Variants in MBNL3 observed in about 807,000 individuals in gnomAD.
MBNL3 encodes the protein muscleblind-like protein 3.
A neutral mutation model predicts 24.5 loss-of-function variants in MBNL3; 6 were observed. That is an observed-to-expected ratio of 0.25 (90% CI 0.13 to 0.48). The LOEUF (loss-of-function observed/expected upper bound fraction) is 0.48. Ranked by LOEUF, MBNL3 falls within the 20% of genes least tolerant of loss-of-function variation. The pLI is 0.99. For missense variants in MBNL3, 230 were observed against 293.5 expected, an observed-to-expected ratio of 0.78 and a Z score of 1.58; for synonymous variants, 100 against 101.7, an observed-to-expected ratio of 0.98 and a Z score of 0.10.
chrX:132,421,967 T>A (rs1943862088), intron 2 of MBNL3, among the ~76,000 whole-genome samples: 1 of 112,087 alleles, frequency 8.9e-6, no homozygotes, highest in Non-Finnish European at 1.9e-5. Flanking sequence ...ATTTTAAATA[T>A]CATTTAAATA....
intron 2 of MBNL3, among the ~76,000 whole-genome samples, chrX:132,410,911 A>G (rs962094281): frequency 3.6e-5 from 4 of 112,213 alleles, no homozygotes; most frequent in Non-Finnish European, 7.5e-5. Flanking sequence ...TCTTCCTCTT[A>G]GAATTCTGTC....
chrX:132,426,010 T>C (rs1944274808), intron 2 of MBNL3, among the ~76,000 whole-genome samples: 1 of 111,744 alleles, frequency 8.9e-6, no homozygotes, highest in Admixed American at 9.5e-5. Flanking sequence ...CACATGGGTG[T>C]ATACAATTTT....
chrX:132,388,946 C>T (rs1936633794), intron 5 of MBNL3, among the ~76,000 whole-genome samples: 1 of 106,475 alleles, frequency 9.4e-6, no homozygotes, highest in Non-Finnish European at 2.0e-5. Context: ...TGCTAAGACC[C>T]TGCTGTGATC....
intron 2 of MBNL3, among the ~76,000 whole-genome samples, chrX:132,418,743 T>C (rs1443604742): frequency 1.8e-5 from 2 of 112,221 alleles, no homozygotes; most frequent in Admixed American, 1.9e-4. Flanking sequence ...GTCAAGGCAA[T>C]TGAATGTGTT....
intron 2 of MBNL3, among the ~76,000 whole-genome samples, chrX:132,422,072 T>A (rs1943872482): frequency 9.0e-6 from 1 of 111,136 alleles, no homozygotes; most frequent in Non-Finnish European, 1.9e-5. Flanking sequence ...TTTAATAGGC[T>A]AACCTTATGG....
At chrX:132,434,312 C>G (rs911749554) in intron 2 of MBNL3, among the ~76,000 whole-genome samples, 6 of 112,392 alleles carry the variant, frequency 5.3e-5, no homozygotes, top group Non-Finnish European at 1.1e-4. Context: ...TTCCCTTGCT[C>G]TCTTTCTTAA....
chrX:132,406,622 G>T (rs1249362409), intron 2 of MBNL3, among the ~76,000 whole-genome samples: 2 of 111,584 alleles, frequency 1.8e-5, no homozygotes, highest in Non-Finnish European at 3.8e-5. Flanking sequence ...TAGATCACTT[G>T]CATGATGGAA....
At chrX:132,393,081 G>A (rs1167936594) in intron 3 of MBNL3, among the ~76,000 whole-genome samples, 1 of 110,817 alleles carries the variant, frequency 9.0e-6, no homozygotes, top group Non-Finnish European at 1.9e-5. Flanking sequence ...AATCACATCA[G>A]GGTAAATGGA....
intron 1 of MBNL3, among the ~76,000 whole-genome samples, chrX:132,471,940 T>C (rs1947204744): frequency 8.9e-6 from 1 of 112,298 alleles, no homozygotes; most frequent in South Asian, 3.7e-4. Context: ...TTTTCCAAGA[T>C]TATAAGTATA....
intron 7 of MBNL3, among the ~76,000 whole-genome samples, chrX:132,384,286 GTACTT>G (rs1242915680): frequency 7.1e-5 from 8 of 112,202 alleles, no homozygotes; most frequent in Non-Finnish European, 1.1e-4. Context: ...TTGTTTCATT[GTACTT>G]TACAAGTTAT....
At chrX:132,420,740 G>A (rs1394787671) in intron 2 of MBNL3, among the ~76,000 whole-genome samples, 1 of 111,020 alleles carries the variant, frequency 9.0e-6, no homozygotes, top group Non-Finnish European at 1.9e-5. Flanking sequence ...AGCTAGTCCT[G>A]TCTCTCACCA....
intron 3 of MBNL3, among the ~76,000 whole-genome samples, chrX:132,396,230 G>C (rs1314557987): frequency 4.8e-5 from 5 of 104,301 alleles, no homozygotes; most frequent in Non-Finnish European, 7.8e-5. Flanking sequence ...TTTATATTTA[G>C]CCATTCACAA....
chrX:132,379,492 T>A lies in MBNL3; in HGVS notation c.*174A>T. ...GTGTTGTTTTAACATCTCCATTGAT[T>A]TTTAATGCTTTATTTTTTATTTGAA... is the stretch of plus-strand genomic sequence containing the variant. On this transcript the variant is annotated 3_prime_UTR_variant, in exon 9 of 9. Transcript: ENST00000370853. The A allele has an allele frequency of 4.7e-6, 2 of 426,961 alleles. No homozygotes were observed. The highest frequency in any genetic ancestry group is 4.3e-5 in the East Asian group (1 of 23,089). 35.2% of individuals were successfully genotyped at this position (426,961 alleles called of 1,213,427 possible).
At chrX:132,396,915 C>CATATATATTCAT (rs1939715705) in intron 3 of MBNL3, among the ~76,000 whole-genome samples, 1 of 36,575 alleles carries the variant, frequency 2.7e-5, no homozygotes, top group African/African-American at 1.5e-4. Flanking sequence ...TACATATATA[C>CATATATATTCAT]ATATATATTC....
intron 2 of MBNL3, among the ~76,000 whole-genome samples, chrX:132,421,935 A>T (rs750019991): frequency 1.3e-4 from 14 of 111,215 alleles, no homozygotes; most frequent in Non-Finnish European, 2.5e-4. Context: ...TTAAAATATT[A>T]AAAAAAAATT....
intron 8 of MBNL3, chrX:132,381,379 C>T (rs900466690): frequency 6.8e-6 from 8 of 1,172,929 alleles, no homozygotes; most frequent in African/African-American, 5.3e-5. Context: ...AGAACTTCTA[C>T]ATCTGTGAAA....
rs1937661343 is a variant in MBNL3 at position 132,394,523 on chromosome X, T to C, written c.343-2189A>G. Reference sequence around the variant, plus strand: ...GTTGTCTCTGACTTTCCTGGTAAATTTCTCACTGAAGCCACCAGCCCATTC... The same window carrying C: ...GTTGTCTCTGACTTTCCTGGTAAATCTCTCACTGAAGCCACCAGCCCATTC... On this transcript the variant is annotated intron_variant, in intron 3 of 8. Transcript: ENST00000370853. Among the ~76,000 whole-genome samples, 4 of 112,152 alleles carry C rather than the reference T, an allele frequency of 3.6e-5. No individual in the cohort carries two copies. In the South Asian group the frequency reaches 1.5e-3, roughly 42 times the overall value.
Position 132,392,160 on chromosome X carries a change from G to A in MBNL3, c.517C>T (p.Arg173Cys), listed in dbSNP as rs748960361. The A allele has an allele frequency of 4.2e-6, 5 of 1,202,466 alleles. No individual in the cohort carries two copies. The highest frequency in any genetic ancestry group is 4.5e-6 in the Non-Finnish European group (4 of 891,127). The change falls in exon 4 of 9, where the codon CGT (arginine) becomes TGT (cysteine). Residue 173 changes from arginine (R) to cysteine (C), a missense_variant. Coordinates refer to ENST00000370853, the MANE Select transcript of MBNL3 (RefSeq NM_001386889.1). ...ACAAATACCTCCAGTTTATCTGAAC[G>A]CATCAGTTTTGGGCCAACAGCTCCT... ...MPGAVGPKLMRSDKLEVCREF... is the reference protein window; with the variant it reads ...MPGAVGPKLMCSDKLEVCREF...
chrX:132,408,865 G>A (rs963954927), intron 2 of MBNL3, among the ~76,000 whole-genome samples: 11 of 112,227 alleles, frequency 9.8e-5, no homozygotes, highest in African/African-American at 3.6e-4. Flanking sequence ...GATTTTACTT[G>A]ATTTATAAAG....
Sources: allele counts gnomAD v4.1 joint callset (sites outside exome capture counted in the v4.1 genomes callset), GRCh38; gene constraint gnomAD v4.1.1; transcripts MANE v1.5; gene names NCBI Gene and HGNC (gene_info 2026-07-23, HGNC 2026-07-21).